Variants in DPYS observed in about 807,000 individuals in gnomAD.
The protein encoded by DPYS is dihydropyrimidinase.
In DPYS, 39 loss-of-function variants were observed where a neutral mutation model predicts 50.3. The observed-to-expected ratio is 0.78, with a 90% CI of 0.60 to 1.01. The LOEUF is 1.01. Ranked by LOEUF, DPYS falls within the 50% of genes least tolerant of loss-of-function variation. The pLI is 0.00. For missense variants in DPYS, 659 were observed against 680.9 expected (o/e 0.97, Z 0.36); for synonymous variants, 245 against 250.7 (o/e 0.98, Z 0.22).
chr8:104,429,223 A>T, intron 5 of DPYS: 1 of 318,140 alleles, frequency 3.1e-6, no homozygotes, highest in Non-Finnish European at 6.0e-6. Flanking sequence ...CATAGAAAAA[A>T]ATTCAACAAT....
intron 7 of DPYS, among the ~76,000 whole-genome samples, chr8:104,399,010 G>A (rs1416815345): frequency 1.3e-5 from 2 of 152,068 alleles, no homozygotes; most frequent in East Asian, 1.9e-4. Flanking sequence ...AAGAAAACAG[G>A]CCAGGCATGG....
intron 7 of DPYS, among the ~76,000 whole-genome samples, chr8:104,412,266 G>A (rs1256547023): frequency 6.6e-6 from 1 of 152,202 alleles, no homozygotes; most frequent in Non-Finnish European, 1.5e-5. Flanking sequence ...AGGACAGAAT[G>A]CGCAATCTGT....
chr8:104,443,502 A>C (rs572797814), intron 4 of DPYS, among the ~76,000 whole-genome samples: 69 of 152,324 alleles, frequency 4.5e-4, no homozygotes, highest in Admixed American at 2.8e-3. Context: ...ATTCAAAAGA[A>C]ATTTATTGAG....
At chr8:104,395,661 T>C (rs1218358763) in intron 7 of DPYS, among the ~76,000 whole-genome samples, 1 of 152,264 alleles carries the variant, frequency 6.6e-6, no homozygotes, top group East Asian at 1.9e-4. Flanking sequence ...AGTATTCCAC[T>C]GTATGGACAT....
chr8:104,423,775 T>C (rs1564095847), intron 7 of DPYS, among the ~76,000 whole-genome samples: 1 of 152,332 alleles, frequency 6.6e-6, no homozygotes, highest in East Asian at 1.9e-4. Context: ...AGCTGGAATC[T>C]ACTAGGAATG....
In DPYS at chr8:104,447,459, GTTAACACC is replaced by G; in HGVS notation, c.460_467del (p.Gly154LeufsTer9). On this transcript the variant is annotated frameshift_variant, in exon 3 of 10. Transcript: ENST00000351513. LOFTEE classifies it high-confidence loss of function. ...TATAGGCCATAAACATCTTGAAAGA[GTTAACACC>G]TTTATCTTGCACAAGGATTTTCATT... 1 of 1,614,000 alleles carries G rather than the reference GTTAACACC, an allele frequency of 6.2e-7. No homozygotes were observed. The highest frequency in any genetic ancestry group is 2.2e-5 in the East Asian group (1 of 44,864).
At chr8:104,463,242 A>G (rs1316393810) in intron 1 of DPYS, among the ~76,000 whole-genome samples, 1 of 152,218 alleles carries the variant, frequency 6.6e-6, no homozygotes, top group Non-Finnish European at 1.5e-5. Context: ...TACAAATGAT[A>G]TGGCTATAAA....
At chr8:104,387,069 G>C (rs1811234867) in intron 8 of DPYS, among the ~76,000 whole-genome samples, 1 of 152,162 alleles carries the variant, frequency 6.6e-6, no homozygotes, top group African/African-American at 2.4e-5. Flanking sequence ...AGCAGATGCT[G>C]GGTCAACAGC....
intron 3 of DPYS, among the ~76,000 whole-genome samples, chr8:104,446,872 A>G (rs943152458): frequency 1.3e-5 from 2 of 152,222 alleles, no homozygotes; most frequent in Non-Finnish European, 2.9e-5. Context: ...TTTAATATCC[A>G]GTTTCTGAAA....
At chr8:104,380,850 AT>A (rs1476322518) in intron 9 of DPYS, 1 of 225,662 alleles carries the variant, frequency 4.4e-6, no homozygotes, top group Non-Finnish European at 9.0e-6. Flanking sequence ...TCATTTGTAA[AT>A]TTTGACCATG....
intron 2 of DPYS, among the ~76,000 whole-genome samples, chr8:104,450,859 T>C (rs900941766): frequency 1.3e-5 from 2 of 152,186 alleles, no homozygotes; most frequent in Non-Finnish European, 2.9e-5. Context: ...AAATTAAACA[T>C]TTTTTATTGA....
chr8:104,414,194 A>G (rs1812289585), intron 7 of DPYS, among the ~76,000 whole-genome samples: 2 of 152,232 alleles, frequency 1.3e-5, no homozygotes, highest in South Asian at 4.1e-4. Flanking sequence ...TTGGTTAGGT[A>G]GTAAGTTCCC....
chr8:104,437,353 T>A (rs1048544703), intron 4 of DPYS, among the ~76,000 whole-genome samples: 1 of 152,144 alleles, frequency 6.6e-6, no homozygotes, highest in East Asian at 1.9e-4. Flanking sequence ...CAGGATGTGG[T>A]AAAGAAGCTG....
chr8:104,444,218 G>C (rs1564107189), intron 4 of DPYS, 30 bp downstream of exon 4: 1 of 1,613,130 alleles, frequency 6.2e-7, no homozygotes, highest in Non-Finnish European at 8.5e-7. Context: ...CTAACACTGA[G>C]TTCTAAGTGA....
At chr8:104,433,377 G>A (rs1472187055) in intron 4 of DPYS, among the ~76,000 whole-genome samples, 1 of 152,088 alleles carries the variant, frequency 6.6e-6, no homozygotes, top group Non-Finnish European at 1.5e-5. Context: ...AAATTATCTT[G>A]TTCTAAATTT....
At position 104,392,704 on chromosome 8, in the gene DPYS, A is replaced by G. The variant is rs542885314; in HGVS notation, c.1443+80T>C. 25 of 1,549,074 alleles carry G rather than the reference A, an allele frequency of 1.6e-5. No homozygotes were observed. In the Admixed American group the frequency reaches 3.2e-4, roughly 20 times the overall value. On this transcript the variant is annotated intron_variant, in intron 8 of 9. Transcript: ENST00000351513. ...CCAAGTGTGATGTGTCAACACCACT[A>G]CTACCAACAATAACCAGCCAGACAT...
intron 8 of DPYS, among the ~76,000 whole-genome samples, chr8:104,390,772 T>A (rs1811361624): frequency 6.6e-6 from 1 of 152,106 alleles, no homozygotes; most frequent in African/African-American, 2.4e-5. Flanking sequence ...CTGCTAGGAT[T>A]ACAGGTGTGA....
intron 1 of DPYS, among the ~76,000 whole-genome samples, chr8:104,456,172 T>C (rs538417881): frequency 9.8e-5 from 15 of 152,302 alleles, no homozygotes; most frequent in African/African-American, 3.4e-4. Context: ...AGCCTAGGCG[T>C]GTAGTAGGCT....
In DPYS at chr8:104,379,682, G is replaced by A. The variant is rs1216599314; in HGVS notation, c.*176C>T. The A allele has an allele frequency of 7.4e-6, 3 of 405,856 alleles. No homozygotes were observed. Among genetic ancestry groups the A allele is most frequent in the Non-Finnish European group, 1.5e-5 (3 of 204,116 alleles). 25.1% of individuals were successfully genotyped at this position (405,856 alleles called of 1,614,324 possible). ...AATCTTATGCAGCAACAAAAACACA[G>A]TGAGAAAGACAGCAATTGCTTCTGA... On this transcript the variant is annotated 3_prime_UTR_variant, in exon 10 of 10. Transcript: ENST00000351513.
Sources: gnomAD v4.1 joint callset for allele counts (sites outside exome capture counted in the v4.1 genomes callset) on GRCh38, gnomAD v4.1.1 for gene constraint, MANE v1.5 for transcripts, NCBI Gene and HGNC (gene_info 2026-07-23, HGNC 2026-07-21) for gene names.